The following MAP2K3 variants were observed in gnomAD, a reference collection of about 807,000 sequenced individuals.
MAP2K3 encodes the protein dual specificity mitogen-activated protein kinase kinase 3.
A neutral mutation model predicts 46.4 loss-of-function variants in MAP2K3; 30 were observed. The observed-to-expected ratio is 0.65, with a 90% CI of 0.48 to 0.88. MAP2K3 has a LOEUF of 0.88. Among genes scored for constraint, MAP2K3 ranks in the 40% least tolerant of loss-of-function variants. The pLI is 0.00. For synonymous variants in MAP2K3, 189 were observed against 176.3 expected (o/e 1.07, Z -0.57); for missense variants, 380 against 464.5 (o/e 0.82, Z 1.67).
intron 9 of MAP2K3, among the ~76,000 whole-genome samples, chr17:21,307,983 G>T (rs1976981694): frequency 1.3e-5 from 2 of 151,164 alleles, no homozygotes; most frequent in Admixed American, 1.3e-4. Context: ...AGCCTCCCCA[G>T]TAGCTGGGAT....
chr17:21,291,237 CGT>C (rs1159497649), intron 1 of MAP2K3, among the ~76,000 whole-genome samples: 1 of 136,402 alleles, frequency 7.3e-6, no homozygotes, highest in Admixed American at 7.0e-5. Flanking sequence ...GAGAGAGAAT[CGT>C]CTCAAAAATA....
intron 1 of MAP2K3, among the ~76,000 whole-genome samples, chr17:21,285,510 C>T (rs1321613489): frequency 6.6e-6 from 1 of 152,116 alleles, no homozygotes; most frequent in African/African-American, 2.4e-5. Flanking sequence ...CACCCCAGCT[C>T]GGAACTCCCC....
intron 1 of MAP2K3, among the ~76,000 whole-genome samples, chr17:21,286,898 TGTG>T (rs1266940907): frequency 2.0e-5 from 3 of 152,180 alleles, no homozygotes; most frequent in African/African-American, 4.8e-5. Flanking sequence ...TGGGGAAGGA[TGTG>T]GTGGCAGAGC....
intron 11 of MAP2K3, 174 bp downstream of exon 11, chr17:21,313,711 T>C (rs1272176153): frequency 6.3e-6 from 4 of 635,728 alleles, no homozygotes; most frequent in Non-Finnish European, 1.1e-5. Context: ...GGCTCCCTCC[T>C]CCCTCCTTCC....
At chr17:21,291,069 C>T (rs1375071291) in intron 1 of MAP2K3, among the ~76,000 whole-genome samples, 2 of 152,428 alleles carry the variant, frequency 1.3e-5, no homozygotes, top group Non-Finnish European at 2.9e-5. Flanking sequence ...GGTAAAACCC[C>T]GTCTCTACTA....
rs753144703 is a variant in MAP2K3 at position 21,300,975 on chromosome 17, C to T, written c.381C>T (p.Tyr127=). 2.0e-5 allele frequency: 32 copies of T among 1,614,014 alleles called. No individual in the cohort carries two copies. The highest frequency in any genetic ancestry group is 1.3e-4 in the Admixed American group (8 of 60,012). ...TVDCFYTVTF[Y]GALFREGDVW... Reference sequence around the variant, plus strand: ...ACTGTTTCTACACTGTCACCTTCTACGGGGCACTATTCAGAGAGGTGCGTC... The same window carrying T: ...ACTGTTTCTACACTGTCACCTTCTATGGGGCACTATTCAGAGAGGTGCGTC... The change falls in exon 5 of 12, where the codon TAC becomes TAT. Residue 127 remains tyrosine, a synonymous_variant. Coordinates refer to ENST00000342679, the MANE Select transcript of MAP2K3 (RefSeq NM_145109.3).
intron 3 of MAP2K3, 73 bp downstream of exon 3, chr17:21,298,999 C>CA: frequency 6.3e-7 from 1 of 1,599,118 alleles, no homozygotes; most frequent in Non-Finnish European, 8.6e-7. Flanking sequence ...CCCTGCAGGG[C>CA]CACTTTGGGG....
At chr17:21,305,895 A>G (rs1480281780) in intron 9 of MAP2K3, among the ~76,000 whole-genome samples, 1 of 152,306 alleles carries the variant, frequency 6.6e-6, no homozygotes, top group Admixed American at 6.5e-5. Flanking sequence ...CTTGGGACCA[A>G]TGGAGTGTCC....
chr17:21,294,178 A>G (rs1006104636), intron 1 of MAP2K3, among the ~76,000 whole-genome samples: 30 of 152,302 alleles, frequency 2.0e-4, no homozygotes, highest in African/African-American at 6.3e-4. Context: ...GACCCTGGGG[A>G]ATAGAGGTGG....
intron 2 of MAP2K3, 107 bp from the exon 3 acceptor site, chr17:21,298,771 A>T: frequency 2.0e-6 from 3 of 1,535,918 alleles, no homozygotes; most frequent in Non-Finnish European, 2.7e-6. Flanking sequence ...CCTCCGGGGC[A>T]GGAGGCACCT....
intron 1 of MAP2K3, chr17:21,285,462 C>G (rs1975697316): frequency 5.4e-6 from 1 of 183,812 alleles, no homozygotes; most frequent in South Asian, 1.8e-4. Flanking sequence ...CCTGTTGTTG[C>G]GGACCTCACT....
intron 1 of MAP2K3, among the ~76,000 whole-genome samples, chr17:21,294,479 C>T (rs966849350): frequency 1.3e-5 from 2 of 152,310 alleles, no homozygotes; most frequent in Non-Finnish European, 2.9e-5. Context: ...ACAGCTTGGT[C>T]TCCCCAGGCC....
intron 6 of MAP2K3, 74 bp downstream of exon 6, chr17:21,302,333 A>AG: frequency 6.8e-7 from 1 of 1,461,432 alleles, no homozygotes; most frequent in East Asian, 2.3e-5. Flanking sequence ...GCAGGCATGG[A>AG]GCCTGCCTAT....
chr17:21,296,009 C>T (rs896463486), intron 1 of MAP2K3: 59 of 1,276,584 alleles, frequency 4.6e-5, no homozygotes, highest in South Asian at 2.1e-4. Context: ...ATTCTGGTTA[C>T]GAAAAGCCTG....
chr17:21,297,070 C>A (rs896121227), intron 1 of MAP2K3, among the ~76,000 whole-genome samples: 5 of 152,304 alleles, frequency 3.3e-5, no homozygotes, highest in African/African-American at 1.2e-4. Flanking sequence ...ACCCTGGGAC[C>A]CCTGTCCCTG....
chr17:21,313,426 G>C lies in MAP2K3; in HGVS notation c.915-66G>C, dbSNP rs571136491. The C allele has an allele frequency of 4.2e-6, 6 of 1,432,854 alleles. No homozygotes were observed. In the East Asian group the frequency reaches 1.4e-4, roughly 34 times the overall value. 88.8% of individuals were successfully genotyped at this position (1,432,854 alleles called of 1,614,324 possible). A position where few individuals can be genotyped will look rare whatever the true frequency, so the allele number is the denominator to read the frequency against. On this transcript the variant is annotated intron_variant, in intron 10 of 11. Transcript: ENST00000342679. Reference sequence around the variant, plus strand: ...GCCTGGGGCAATCCTGGGGTGGTTTGGCTGGCCCTTGGGGGCTGGGCTTCC... The same window carrying C: ...GCCTGGGGCAATCCTGGGGTGGTTTCGCTGGCCCTTGGGGGCTGGGCTTCC...
At chr17:21,286,536 G>A (rs978646798) in intron 1 of MAP2K3, among the ~76,000 whole-genome samples, 1 of 152,232 alleles carries the variant, frequency 6.6e-6, no homozygotes, top group Non-Finnish European at 1.5e-5. Context: ...AGTAACTCGG[G>A]AGGCACTCGA....
chr17:21,302,167 C>G lies in MAP2K3; in HGVS notation c.424C>G (p.Leu142Val). 6.2e-7 allele frequency: 1 copy of G among 1,614,262 alleles called. No homozygotes were observed. The highest frequency in any genetic ancestry group is 8.5e-7 in the Non-Finnish European group (1 of 1,180,022). ...GGGAGACGTGTGGATCTGCATGGAGCTCATGGACACATCCTTGGACAAGTT... is the reference window on the plus strand; with the variant it reads ...GGGAGACGTGTGGATCTGCATGGAGGTCATGGACACATCCTTGGACAAGTT... Reference protein sequence around the residue: ...REGDVWICMELMDTSLDKFYR... With the variant: ...REGDVWICMEVMDTSLDKFYR... Residue 142 changes from leucine to valine, a missense_variant, in exon 6 of 12, where the codon CTC (leucine) becomes GTC (valine). Around this residue, in one of 5 missense-constraint regions of MAP2K3, gnomAD observed 294 missense variants for 275.4 expected, o/e 1.07. Coordinates refer to ENST00000342679, the MANE Select transcript of MAP2K3 (RefSeq NM_145109.3).
At position 21,300,876 on chromosome 17, in the gene MAP2K3, G is replaced by A; in HGVS notation, c.282G>A (p.Arg94=). The change falls in exon 5 of 12, where the codon CGG becomes CGA. Residue 94 remains arginine, a splice_region_variant and synonymous_variant. Coordinates refer to ENST00000342679, the MANE Select transcript of MAP2K3 (RefSeq NM_145109.3). The stretch of plus-strand genomic sequence containing the variant: ...TGAATGGCAGTCCTTCCCTGCAGCG[G>A]ATCCGGGCCACCGTGAACTCACAGG... ...AQSGTIMAVK[R]IRATVNSQEQ... is the part of the protein sequence containing the mutation. 3 of 1,614,138 alleles carry A rather than the reference G, an allele frequency of 1.9e-6. No individual in the cohort carries two copies. Among genetic ancestry groups the A allele is most frequent in the Non-Finnish European group, 2.5e-6 (3 of 1,180,052 alleles).
Sources: gnomAD v4.1 joint callset for allele counts (sites outside exome capture counted in the v4.1 genomes callset) on GRCh38, gnomAD v4.1.1 for gene constraint, gnomAD v4.1.1 regional missense constraint, MANE v1.5 for transcripts, NCBI Gene and HGNC (gene_info 2026-07-23, HGNC 2026-07-21) for gene names.